The following ULK1 variants were observed in gnomAD, a reference collection of about 807,000 sequenced individuals.
ULK1 encodes the protein serine/threonine-protein kinase ULK1.
A neutral mutation model predicts 117.5 loss-of-function variants in ULK1; 48 were observed. The ratio of observed to expected loss-of-function variants is 0.41; its 90% CI spans 0.32 to 0.52. ULK1 has a LOEUF of 0.52. ULK1 is among the 20% of genes least tolerant of loss of function. The probability of loss-of-function intolerance (pLI) is 0.29; values close to 1 mark genes in which losing one functional copy is unlikely to be tolerated. For missense variants in ULK1, 1,387 were observed against 1,473.4 expected (o/e 0.94, Z 0.96); for synonymous variants, 790 against 637.8 (o/e 1.24, Z -3.60).
chr12:131,904,535 C>T (rs1399317454), intron 3 of ULK1, among the ~76,000 whole-genome samples: 1 of 152,178 alleles, frequency 6.6e-6, no homozygotes, highest in East Asian at 1.9e-4. Flanking sequence ...GCACCCCCTG[C>T]CCAGAGGGAG....
rs529154444 is a variant in ULK1 at position 131,899,313 on chromosome 12, C to T, written c.246+3489C>T. Among the ~76,000 whole-genome samples, 10 of 150,512 alleles carry T rather than the reference C, an allele frequency of 6.6e-5. No individual in the cohort carries two copies. In the South Asian group the frequency reaches 1.1e-3, roughly 16 times the overall value. On this transcript the variant is annotated intron_variant, in intron 3 of 27. Coordinates refer to ENST00000321867, the MANE Select transcript of ULK1 (RefSeq NM_003565.4). ...AAGCGATTCTCCTGCCTCAGCCTCC[C>T]GGGTAGCTGGGATTACAGACATGCG...
At position 131,913,229 on chromosome 12, in the gene ULK1, AC is replaced by A; in HGVS notation, c.1133del (p.Pro378ArgfsTer5). On this transcript the variant is annotated frameshift_variant, in exon 14 of 28. Transcript: ENST00000321867. LOFTEE classifies it high-confidence loss of function. The stretch of plus-strand genomic sequence containing the variant: ...TGGTGGCTGAGGCGCCCAGTGCCAA[AC>A]CCCCGCCAGACAGCCTGATGTGCAG... ...DLVAEAPSAK[P>X]PPDSLMCSGS... 2 of 1,589,878 alleles carry A rather than the reference AC, an allele frequency of 1.3e-6. No individual in the cohort carries two copies. The highest frequency in any genetic ancestry group is 1.7e-6 in the Non-Finnish European group (2 of 1,170,326).
intron 3 of ULK1, among the ~76,000 whole-genome samples, chr12:131,901,939 G>A (rs769820843): frequency 2.0e-5 from 3 of 152,130 alleles, no homozygotes; most frequent in African/African-American, 7.2e-5. Context: ...AAGCAAGGTC[G>A]TGCCCTCAGA....
intron 8 of ULK1, among the ~76,000 whole-genome samples, chr12:131,909,472 GGTCGCCTGTCTA>G (rs1380590879): frequency 1.3e-5 from 2 of 152,112 alleles, no homozygotes; most frequent in Non-Finnish European, 2.9e-5. Flanking sequence ...TCGCCTGTCT[GGTCGCCTGTCTA>G]GTCGCCTGTC....
intron 18 of ULK1, among the ~76,000 whole-genome samples, 199 bp from the exon 19 acceptor site, chr12:131,915,692 C>T (rs573408566): frequency 1.6e-3 from 244 of 152,256 alleles, no homozygotes; most frequent in Admixed American, 2.4e-3. Context: ...CCGCTTGAAC[C>T]TGGGAGGCAG....
intron 13 of ULK1, among the ~76,000 whole-genome samples, chr12:131,912,997 T>G (rs1408062498): frequency 6.6e-6 from 1 of 152,090 alleles, no homozygotes; most frequent in African/African-American, 2.4e-5. Context: ...CGCTCTGGTC[T>G]CCCGGAGCTG....
Position 131,920,100 on chromosome 12 carries a change from T to C in ULK1, c.2925T>C (p.Thr975=). 6.2e-7 allele frequency: 1 copy of C among 1,612,808 alleles called. No homozygotes were observed. Among genetic ancestry groups the C allele is most frequent in the African/African-American group, 1.3e-5 (1 of 75,066 alleles). The change falls in exon 26 of 28, where the codon ACT becomes ACC. Residue 975 remains threonine, a synonymous_variant. Transcript: ENST00000321867. ...TCCTGGACCGCATTCACAGCATCAC[T>C]GCCGAGAGGCTCATCTTCAGCCACG... ...QRLLDRIHSI[T]AERLIFSHAV...
At chr12:131,921,067 C>A (rs774768039) in intron 26 of ULK1, 33 bp from the exon 27 acceptor site, 23 of 1,553,154 alleles carry the variant, frequency 1.5e-5, no homozygotes, top group Non-Finnish European at 2.0e-5. Flanking sequence ...GTGGGGTGAG[C>A]TGGCCCTGTC....
intron 15 of ULK1, 44 bp from the exon 16 acceptor site, chr12:131,914,308 G>A: frequency 6.3e-7 from 1 of 1,596,408 alleles, no homozygotes; most frequent in Admixed American, 1.7e-5. Context: ...TCAGCCTCTT[G>A]TGACCCCAGT....
intron 12 of ULK1, among the ~76,000 whole-genome samples, chr12:131,911,550 G>A (rs557326871): frequency 6.6e-6 from 1 of 152,322 alleles, no homozygotes; most frequent in Non-Finnish European, 1.5e-5. Flanking sequence ...CCACCGGGGT[G>A]GCAGCCTCTC....
At chr12:131,898,792 T>TGCCC (rs999257391) in intron 3 of ULK1, among the ~76,000 whole-genome samples, 3 of 151,828 alleles carry the variant, frequency 2.0e-5, no homozygotes, top group African/African-American at 7.3e-5. Flanking sequence ...CCACCATGCC[T>TGCCC]GGGCGGTTTT....
chr12:131,906,310 C>T (rs752646097), intron 3 of ULK1, among the ~76,000 whole-genome samples: 2 of 152,126 alleles, frequency 1.3e-5, no homozygotes, highest in Non-Finnish European at 2.9e-5. Context: ...AGGCTGGTCT[C>T]GAACTGCTGA....
At chr12:131,916,856 C>G (rs7978477) in intron 20 of ULK1, 97 bp from the exon 21 acceptor site, 2 of 1,125,662 alleles carry the variant, frequency 1.8e-6, no homozygotes, top group South Asian at 1.6e-5. Context: ...GCCAGGAGAC[C>G]GTGCATCATG....
chr12:131,920,832 G>C (rs1890120349), intron 26 of ULK1: 3 of 476,070 alleles, frequency 6.3e-6, no homozygotes, highest in Non-Finnish European at 1.1e-5. Context: ...GGCAGCAGCA[G>C]TAATGACACT....
intron 3 of ULK1, among the ~76,000 whole-genome samples, chr12:131,899,565 A>G (rs910620617): frequency 1.3e-5 from 2 of 152,150 alleles, no homozygotes; most frequent in African/African-American, 4.8e-5. Context: ...ATCATGGCTC[A>G]CTGCAGCCTC....
intron 16 of ULK1, 105 bp downstream of exon 16, chr12:131,914,582 G>A: frequency 2.1e-6 from 3 of 1,442,488 alleles, no homozygotes; most frequent in South Asian, 1.4e-5. Context: ...ATGTGCAGTT[G>A]TGCAGGCTGC....
At chr12:131,899,325 A>G (rs1375819216) in intron 3 of ULK1, among the ~76,000 whole-genome samples, 1 of 151,774 alleles carries the variant, frequency 6.6e-6, no homozygotes, top group Non-Finnish European at 1.5e-5. Context: ...GGTAGCTGGG[A>G]TTACAGACAT....
Position 131,913,737 on chromosome 12 carries a change from T to C in ULK1, c.1158-10T>C. ...AAAAAAATGCCCTTGGCCTCCCTTC[T>C]GCCCCACAGGAGCTCACTGGTGGCC... On this transcript the variant is annotated splice_polypyrimidine_tract_variant and intron_variant, in intron 14 of 27. Coordinates refer to ENST00000321867, the MANE Select transcript of ULK1 (RefSeq NM_003565.4). 6.7e-7 allele frequency: 1 copy of C among 1,499,420 alleles called. No individual in the cohort carries two copies. Among genetic ancestry groups the C allele is most frequent in the Non-Finnish European group, 8.9e-7 (1 of 1,124,596 alleles). 92.9% of individuals were successfully genotyped at this position (1,499,420 alleles called of 1,614,324 possible).
In ULK1 at chr12:131,917,015, C is replaced by CA; in HGVS notation, c.2135_2136insA (p.Asp713GlyfsTer89). 6.9e-7 allele frequency: 1 copy of CA among 1,459,094 alleles called. No individual in the cohort carries two copies. Among genetic ancestry groups the CA allele is most frequent in the South Asian group, 1.1e-5 (1 of 88,528 alleles). The allele number at this position is 1,459,094 out of a possible 1,614,324, so 90.4% of individuals were successfully genotyped here. A position where few individuals can be genotyped will look rare whatever the true frequency, so the allele number is the denominator to read the frequency against. On this transcript the variant is annotated frameshift_variant, in exon 21 of 28. Transcript: ENST00000321867. LOFTEE classifies it high-confidence loss of function. ...AAGGCGGCGTTTGGGACACAAGCCCCGGACCCGGGCAGCACGGAGAGCCTG... is the reference window on the plus strand; with the variant it reads ...AAGGCGGCGTTTGGGACACAAGCCCCAGGACCCGGGCAGCACGGAGAGCCTG...
Sources: allele counts gnomAD v4.1 joint callset (sites outside exome capture counted in the v4.1 genomes callset), GRCh38; gene constraint gnomAD v4.1.1; transcripts MANE v1.5; gene names NCBI Gene and HGNC (gene_info 2026-07-23, HGNC 2026-07-21).